The following IQSEC1 variants were observed in gnomAD, a reference collection of about 807,000 sequenced individuals.
IQSEC1 encodes the protein IQ motif and Sec7 domain ArfGEF 1.
A neutral mutation model predicts 91.0 loss-of-function variants in IQSEC1; 31 were observed. The ratio of observed to expected loss-of-function variants is 0.34; its 90% CI spans 0.26 to 0.46. The LOEUF (loss-of-function observed/expected upper bound fraction) is 0.46, where lower values mean the gene tolerates loss of function less well. Ranked by LOEUF, IQSEC1 falls within the 20% of genes least tolerant of loss-of-function variation. The pLI, the probability that IQSEC1 is intolerant of heterozygous loss-of-function variation, is 1.00. For synonymous variants in IQSEC1, 699 were observed against 662.6 expected, an observed-to-expected ratio of 1.05 and a Z score of -0.84; for missense variants, 1,388 against 1,575.6, an observed-to-expected ratio of 0.88 and a Z score of 2.02.
intron 1 of IQSEC1, among the ~76,000 whole-genome samples, chr3:12,966,146 C>T (rs573791090): frequency 6.6e-6 from 1 of 152,316 alleles, no homozygotes; most frequent in African/African-American, 2.4e-5. Context: ...GTCCAGACTG[C>T]TGCCACTGAT....
At chr3:12,991,072 C>T (rs571435816) in intron 1 of IQSEC1, among the ~76,000 whole-genome samples, 3 of 152,266 alleles carry the variant, frequency 2.0e-5, no homozygotes, top group Admixed American at 6.5e-5. Flanking sequence ...TGAATAGCCC[C>T]GAGGCAGGGG....
rs146844807 is a variant in IQSEC1, at chr3:13,225,219, G to A, written c.272+57492C>T. Among the ~76,000 whole-genome samples, 199 of 152,340 alleles carry A rather than the reference G, an allele frequency of 1.3e-3. 1 individual carries two copies. The highest frequency in any genetic ancestry group is 4.4e-3 in the African/African-American group (184 of 41,578). The stretch of plus-strand genomic sequence containing the variant: ...TTGTATAACCCAATGGGGCATGAAC[G>A]TCCCTTTTGTCCCCTAACCAAGTGG... On this transcript the variant is annotated intron_variant, in intron 1 of 15. Coordinates refer to the IQSEC1 transcript ENST00000648114.
At chr3:13,140,921 C>T (rs149281260) in intron 2 of IQSEC1, among the ~76,000 whole-genome samples, 348 of 152,286 alleles carry the variant, frequency 2.3e-3, no homozygotes, top group African/African-American at 7.8e-3. Flanking sequence ...TCATAGTGTG[C>T]GCCTGTGCCC....
intron 1 of IQSEC1, among the ~76,000 whole-genome samples, chr3:12,943,336 G>A (rs1020664960): frequency 3.9e-5 from 6 of 152,210 alleles, no homozygotes; most frequent in Admixed American, 1.3e-4. Context: ...AGCTCATCCC[G>A]ACTCGGAACT....
At chr3:13,077,814 G>C (rs1367740965), upstream of IQSEC1, among the ~76,000 whole-genome samples, 1 of 152,246 alleles carries the variant, frequency 6.6e-6, no homozygotes, top group Non-Finnish European at 1.5e-5. Flanking sequence ...CCTGTCCCCT[G>C]TCTTGGGGGA....
At chr3:13,237,240 T>C (rs933826463) in intron 1 of IQSEC1, among the ~76,000 whole-genome samples, 28 of 152,326 alleles carry the variant, frequency 1.8e-4, no homozygotes, top group African/African-American at 5.3e-4. Context: ...GTGGATGGGA[T>C]GACGCCTGAG....
chr3:12,942,671 G>A (rs1030096296), intron 1 of IQSEC1, among the ~76,000 whole-genome samples: 9 of 152,204 alleles, frequency 5.9e-5, no homozygotes, highest in African/African-American at 2.2e-4. Context: ...CATGGGGCCA[G>A]CCCTTGTGCT....
At chr3:12,929,033 C>T (rs543388485) in intron 3 of IQSEC1, among the ~76,000 whole-genome samples, 30 of 152,276 alleles carry the variant, frequency 2.0e-4, no homozygotes, top group African/African-American at 4.6e-4. Context: ...GGGATACAGA[C>T]GGAGATAAAG....
rs890223022 is a variant in IQSEC1 at position 12,898,536 on chromosome 3, G to A, written c.*2447C>T. ...GGAGCTTGCAGGATGGCGATGGAGA[G>A]GGAGAGTTTCCTGAAAGCCCCTCCT... On this transcript the variant is annotated 3_prime_UTR_variant, in exon 14 of 14. Coordinates refer to ENST00000613206, the MANE Select transcript of IQSEC1 (RefSeq NM_001134382.3). The A allele has an allele frequency of 6.6e-6, 1 of 152,164 alleles. No individual in the cohort carries two copies. The highest frequency in any genetic ancestry group is 1.9e-4 in the East Asian group (1 of 5,184). The allele number at this position is 152,164 out of a possible 1,614,324, so 9.4% of individuals were successfully genotyped here.
intron 2 of IQSEC1, among the ~76,000 whole-genome samples, chr3:13,128,492 T>C (rs928065843): frequency 1.3e-5 from 2 of 152,242 alleles, no homozygotes; most frequent in African/African-American, 4.8e-5. Flanking sequence ...TAGCCTTGCA[T>C]GTCTGGAATA....
chr3:13,061,572 C>G (rs1018118209), intron 1 of IQSEC1, among the ~76,000 whole-genome samples: 3 of 152,112 alleles, frequency 2.0e-5, no homozygotes, highest in Non-Finnish European at 4.4e-5. Context: ...CACAGAGCCC[C>G]TAACATACCG....
chr3:12,931,209 G>C (rs1697642680), intron 3 of IQSEC1, among the ~76,000 whole-genome samples: 1 of 152,178 alleles, frequency 6.6e-6, no homozygotes, highest in East Asian at 1.9e-4. Context: ...GCCAGGGCTC[G>C]GGATCCTGGG....
chr3:13,049,756 T>C (rs1464415042), intron 1 of IQSEC1, among the ~76,000 whole-genome samples: 7 of 152,176 alleles, frequency 4.6e-5, no homozygotes, highest in African/African-American at 1.7e-4. Flanking sequence ...CAAATATTTT[T>C]TGAGCAGTTT....
chr3:13,047,145 T>C (rs1399444141), intron 1 of IQSEC1, among the ~76,000 whole-genome samples: 2 of 152,140 alleles, frequency 1.3e-5, no homozygotes, highest in Non-Finnish European at 2.9e-5. Context: ...AGGCTGGTCC[T>C]TGGGAGACCC....
intron 1 of IQSEC1, among the ~76,000 whole-genome samples, chr3:13,046,168 G>A (rs767502744): frequency 1.7e-4 from 26 of 152,232 alleles, no homozygotes; most frequent in Non-Finnish European, 2.8e-4. Context: ...AGCAGGTGAC[G>A]TCTGTGGAGT....
At chr3:13,032,585 ATT>A (rs138670438) in intron 1 of IQSEC1, among the ~76,000 whole-genome samples, 115 of 145,336 alleles carry the variant, frequency 7.9e-4, no homozygotes, top group East Asian at 2.4e-3. Flanking sequence ...AGCTTTAAAC[ATT>A]TTTTTTTTTT....
intron 2 of IQSEC1, among the ~76,000 whole-genome samples, chr3:13,097,027 A>C (rs1313658289): frequency 2.0e-5 from 3 of 151,820 alleles, no homozygotes; most frequent in African/African-American, 7.3e-5. Flanking sequence ...CGCCTGGCTA[A>C]TTTTTTGTAT....
At chr3:13,066,367 C>T (rs373067271) in intron 1 of IQSEC1, among the ~76,000 whole-genome samples, 4 of 152,262 alleles carry the variant, frequency 2.6e-5, no homozygotes, top group Non-Finnish European at 5.9e-5. Context: ...GACTTCCGGG[C>T]AGCTGGTGAC....
chr3:12,941,830 G>A lies in IQSEC1; in HGVS notation c.59C>T (p.Thr20Ile), dbSNP rs1698778373. 2 of 1,608,006 alleles carry A rather than the reference G, an allele frequency of 1.2e-6. No individual in the cohort carries two copies. The highest frequency in any genetic ancestry group is 3.9e-4 in the Middle Eastern group (2 of 5,082). ...GTAGGCTGAGGGGCTGTCCAGGGAT[G>A]TGCCAGTCTCACTGCTGGGGGCCTC... ...EGEAPSSETG[T>I]SLDSPSAYPQ... The change falls in exon 2 of 14, where the codon ACA becomes ATA. Residue 20 changes from threonine to isoleucine, a missense_variant. Transcript: ENST00000613206.
Sources: gnomAD v4.1 joint callset for allele counts (sites outside exome capture counted in the v4.1 genomes callset) on GRCh38, gnomAD v4.1.1 for gene constraint, MANE v1.5 for transcripts, NCBI Gene and HGNC (gene_info 2026-07-23, HGNC 2026-07-21) for gene names.